Variants in AFAP1 observed in about 807,000 individuals in gnomAD.
AFAP1 encodes actin filament-associated protein 1.
AFAP1 carries 75 observed loss-of-function variants against 93.9 expected under a neutral mutation model. The ratio of observed to expected loss-of-function variants is 0.80; its 90% CI spans 0.66 to 0.97. The LOEUF is 0.97. Among genes scored for constraint, AFAP1 ranks in the 50% least tolerant of loss-of-function variants. The pLI is 0.00. For missense variants in AFAP1, 1,201 were observed against 1,050.8 expected, an observed-to-expected ratio of 1.14 and a Z score of -1.98; for synonymous variants, 517 against 430.7, an observed-to-expected ratio of 1.20 and a Z score of -2.48.
intron 3 of AFAP1, 95 bp from the exon 4 acceptor site, chr4:7,855,669 T>C (rs1411948994): frequency 2.9e-6 from 3 of 1,030,426 alleles, no homozygotes; most frequent in Admixed American, 1.9e-5. Flanking sequence ...TCTTTTCCTC[T>C]TTCCTTTGTA....
chr4:7,853,349 G>C (rs1714675569), intron 4 of AFAP1, among the ~76,000 whole-genome samples: 1 of 152,048 alleles, frequency 6.6e-6, no homozygotes, highest in African/African-American at 2.4e-5. Context: ...TCTGGGCTAG[G>C]GTGGCCCTGA....
At chr4:7,908,481 AT>A (rs1295887267) in intron 1 of AFAP1, among the ~76,000 whole-genome samples, 2 of 152,226 alleles carry the variant, frequency 1.3e-5, no homozygotes, top group Non-Finnish European at 2.9e-5. Context: ...TTAAACTTGT[AT>A]TAACAAAATT....
At chr4:7,765,971 T>C (rs758959532) in intron 17 of AFAP1, among the ~76,000 whole-genome samples, 8 of 152,222 alleles carry the variant, frequency 5.3e-5, no homozygotes, top group Non-Finnish European at 8.8e-5. Flanking sequence ...TGCAGACGCC[T>C]GACTCCCACT....
intron 1 of AFAP1, among the ~76,000 whole-genome samples, chr4:7,889,704 TA>T (rs79942195): frequency 2.8e-5 from 4 of 144,640 alleles, no homozygotes; most frequent in South Asian, 4.3e-4. Flanking sequence ...TTTTTTTTTT[TA>T]AAAAAAGAAC....
intron 4 of AFAP1, among the ~76,000 whole-genome samples, chr4:7,844,415 G>A (rs775640369): frequency 1.3e-5 from 2 of 152,140 alleles, no homozygotes; most frequent in Non-Finnish European, 2.9e-5. Context: ...CCGGACTGAC[G>A]AGCTTCTGCT....
chr4:7,913,835 G>C (rs1000745498), intron 1 of AFAP1, among the ~76,000 whole-genome samples: 1 of 152,136 alleles, frequency 6.6e-6, no homozygotes, highest in African/African-American at 2.4e-5. Flanking sequence ...TCAAAAATAT[G>C]AAAAAGCTAG....
chr4:7,760,189 C>T lies in AFAP1; in HGVS notation c.*3576G>A, dbSNP rs1713584852. ...TGGGGGTGGCCTCCAGAGCTGAGGC[C>T]ACACTTTTTGAAACAGACTTTTCAA... On this transcript the variant is annotated 3_prime_UTR_variant, in exon 18 of 18. Transcript: ENST00000420658. The T allele has an allele frequency of 6.6e-6, 1 of 152,192 alleles. No individual in the cohort carries two copies. The highest frequency in any genetic ancestry group is 2.4e-5 in the African/African-American group (1 of 41,454). The allele number at this position is 152,192 out of a possible 1,614,324, so 9.4% of individuals were successfully genotyped here.
intron 8 of AFAP1, among the ~76,000 whole-genome samples, chr4:7,811,569 T>G (rs1720042542): frequency 6.6e-6 from 1 of 152,042 alleles, no homozygotes; most frequent in Non-Finnish European, 1.5e-5. Context: ...AACATACCCC[T>G]GGTGTCTCCT....
intron 12 of AFAP1, 49 bp from the exon 13 acceptor site, chr4:7,781,676 C>A: frequency 6.5e-7 from 1 of 1,542,580 alleles, no homozygotes; most frequent in South Asian, 1.2e-5. Flanking sequence ...CAGGAAACAG[C>A]AGCTTTTAGC....
intron 14 of AFAP1, chr4:7,778,482 G>A (rs1284578273): frequency 4.0e-6 from 2 of 496,004 alleles, no homozygotes; most frequent in Non-Finnish European, 7.3e-6. Flanking sequence ...ACCCGGAGCT[G>A]CAAGAAACCT....
In AFAP1 at chr4:7,939,137, A is replaced by G. The variant is rs1207717878; in HGVS notation, c.-3+519T>C. 8.9e-5 allele frequency: 16 copies of G among 180,254 alleles called. No homozygotes were observed. The Admixed American group carries it at 1.0e-3, about 12-fold the overall frequency. The allele number at this position is 180,254 out of a possible 1,614,324, so 11.2% of individuals were successfully genotyped here. ...CGCGCGTGGGTCCACGCAACAACCTATAGGTGACAAAACACTCAGGAAGCC... is the reference window on the plus strand; with the variant it reads ...CGCGCGTGGGTCCACGCAACAACCTGTAGGTGACAAAACACTCAGGAAGCC... On this transcript the variant is annotated intron_variant, in intron 1 of 17. Transcript: ENST00000420658. The surrounding 1 kb of genome is among the most constrained non-coding windows in gnomAD (Gnocchi z 5.6).
At chr4:7,920,679 G>T (rs1720388445) in intron 1 of AFAP1, among the ~76,000 whole-genome samples, 1 of 152,186 alleles carries the variant, frequency 6.6e-6, no homozygotes, top group East Asian at 1.9e-4. Context: ...TCTTACCAAA[G>T]AAACTGCAAT....
At chr4:7,900,931 A>G (rs1719079761) in intron 1 of AFAP1, among the ~76,000 whole-genome samples, 1 of 152,154 alleles carries the variant, frequency 6.6e-6, no homozygotes, top group Non-Finnish European at 1.5e-5. Context: ...AGGCAAATTC[A>G]CTTCTCTTGG....
At chr4:7,930,578 T>A (rs898727005) in intron 1 of AFAP1, among the ~76,000 whole-genome samples, 1 of 152,134 alleles carries the variant, frequency 6.6e-6, no homozygotes, top group Non-Finnish European at 1.5e-5. Flanking sequence ...GACACTCCTA[T>A]CACTCCAGAG....
rs563141184 is a variant in AFAP1, at chr4:7,769,014, C to G, written c.2254-6G>C. 6.3e-7 allele frequency: 1 copy of G among 1,599,360 alleles called. No individual in the cohort carries two copies. Among genetic ancestry groups the G allele is most frequent in the Non-Finnish European group, 8.6e-7 (1 of 1,169,270 alleles). On this transcript the variant is annotated splice_region_variant and splice_polypyrimidine_tract_variant and intron_variant, in intron 16 of 17. Coordinates refer to ENST00000420658, the MANE Select transcript of AFAP1 (RefSeq NM_001134647.2). The stretch of plus-strand genomic sequence containing the variant: ...CGGTGCCGGAACACTGGAGACTTAA[C>G]GGAGAGAGAGAACCCCATGTGATGA...
chr4:7,917,889 A>T (rs114129199), intron 1 of AFAP1, among the ~76,000 whole-genome samples: 1 of 151,938 alleles, frequency 6.6e-6, no homozygotes, highest in Non-Finnish European at 1.5e-5. Context: ...TCCCCACAAC[A>T]CTCAGCACCG....
chr4:7,890,893 G>A (rs1302116251), intron 1 of AFAP1, among the ~76,000 whole-genome samples: 2 of 152,128 alleles, frequency 1.3e-5, no homozygotes, highest in East Asian at 1.9e-4. Context: ...CACGTACCAT[G>A]AGATCCAGTA....
chr4:7,781,433 A>C lies in AFAP1; in HGVS notation c.1725T>G (p.Ala575=). 6.4e-7 allele frequency: 1 copy of C among 1,552,094 alleles called. No homozygotes were observed. Among genetic ancestry groups the C allele is most frequent in the African/African-American group, 1.4e-5 (1 of 73,154 alleles). Residue 575 remains alanine (A), a synonymous_variant, in exon 13 of 18, where the codon GCT becomes GCG. Coordinates refer to ENST00000420658, the MANE Select transcript of AFAP1 (RefSeq NM_001134647.2). ...CAGAAGAGGTATTAGTGACAGACTG[A>C]GCGGAGGCAGGGTATTTGTAATGGT... ...SSNHYKYPAS[A]QSVTNTSSVG...
chr4:7,833,520 G>C (rs1461935015), intron 6 of AFAP1, among the ~76,000 whole-genome samples: 1 of 151,732 alleles, frequency 6.6e-6, no homozygotes. Context: ...CGGTGAACAG[G>C]GAACACTTCT....
Sources: allele counts gnomAD v4.1 joint callset (sites outside exome capture counted in the v4.1 genomes callset), GRCh38; gene constraint gnomAD v4.1.1; non-coding constraint Gnocchi (gnomAD v3.1); transcripts MANE v1.5; gene names NCBI Gene and HGNC (gene_info 2026-07-23, HGNC 2026-07-21).